The following SPAST variants were observed in gnomAD, a reference collection of about 807,000 sequenced individuals.
SPAST encodes the protein spastin.
Under a neutral mutation model 76.6 loss-of-function variants are expected in SPAST, and 30 were observed. The observed-to-expected ratio is 0.39, with a 90% CI of 0.29 to 0.53. The LOEUF is 0.53. Among genes scored for constraint, SPAST ranks in the 20% least tolerant of loss-of-function variants. The probability of loss-of-function intolerance (pLI) is 0.68; values close to 1 mark genes in which losing one functional copy is unlikely to be tolerated. For missense variants in SPAST, 717 were observed against 770.5 expected (o/e 0.93, Z 0.82); for synonymous variants, 305 against 281.0 (o/e 1.09, Z -0.86).
At chr2:32,133,751 A>C (rs1573151179) in intron 9 of SPAST, among the ~76,000 whole-genome samples, 1 of 152,022 alleles carries the variant, frequency 6.6e-6, no homozygotes, top group Non-Finnish European at 1.5e-5. Context: ...TCAATACATC[A>C]GTATGCTGCT....
At chr2:32,065,218 C>T (rs565957152) in intron 1 of SPAST, among the ~76,000 whole-genome samples, 2 of 152,082 alleles carry the variant, frequency 1.3e-5, no homozygotes, top group African/African-American at 4.8e-5. Context: ...AGGGATTTCA[C>T]CATGTTGGCC....
Position 32,114,635 on chromosome 2 carries a change from C to T in SPAST, c.683-3C>T. 2 of 1,613,174 alleles carry T rather than the reference C, an allele frequency of 1.2e-6. No homozygotes were observed. The highest frequency in any genetic ancestry group is 1.7e-6 in the Non-Finnish European group (2 of 1,179,196). On this transcript the variant is annotated splice_region_variant and splice_polypyrimidine_tract_variant and intron_variant, in intron 4 of 16. Coordinates refer to ENST00000315285, the MANE Select transcript of SPAST (RefSeq NM_014946.4). ...CACAATGGTTTTACTTTTTCCTTGTCAGAAAGTGGAGCTGTTCCAAAAAGA... is the reference window on the plus strand; with the variant it reads ...CACAATGGTTTTACTTTTTCCTTGTTAGAAAGTGGAGCTGTTCCAAAAAGA...
At chr2:32,149,022 T>A (rs1326959677) in intron 16 of SPAST, among the ~76,000 whole-genome samples, 1 of 151,954 alleles carries the variant, frequency 6.6e-6, no homozygotes, top group East Asian at 1.9e-4. Flanking sequence ...ACAATAAAAA[T>A]AACCTATAAC....
intron 1 of SPAST, among the ~76,000 whole-genome samples, chr2:32,067,059 T>A (rs1253622103): frequency 6.6e-6 from 1 of 151,996 alleles, no homozygotes; most frequent in Non-Finnish European, 1.5e-5. Flanking sequence ...GCAAGGAAAT[T>A]TTTTTTATTT....
At chr2:32,106,270 G>A (rs902254576) in intron 4 of SPAST, among the ~76,000 whole-genome samples, 4 of 152,188 alleles carry the variant, frequency 2.6e-5, no homozygotes, top group Admixed American at 2.0e-4. Context: ...CCAGGCATGG[G>A]ATATAATCTC....
At chr2:32,111,900 A>G (rs1026109885) in intron 4 of SPAST, among the ~76,000 whole-genome samples, 2 of 150,452 alleles carry the variant, frequency 1.3e-5, no homozygotes, top group Admixed American at 6.6e-5. Flanking sequence ...ATGTCTATAT[A>G]TAAAGTCTCA....
chr2:32,152,973 C>T (rs370529623), intron 16 of SPAST, among the ~76,000 whole-genome samples: 1 of 151,968 alleles, frequency 6.6e-6, no homozygotes, highest in African/African-American at 2.4e-5. Flanking sequence ...GTCTCTAACT[C>T]CTGGGCTCAA....
chr2:32,075,160 C>T (rs1208690639), intron 1 of SPAST, among the ~76,000 whole-genome samples: 1 of 152,030 alleles, frequency 6.6e-6, no homozygotes, highest in East Asian at 1.9e-4. Flanking sequence ...TGGTGGCTCA[C>T]GCTTGTAATC....
At chr2:32,104,550 T>A (rs564104556) in intron 4 of SPAST, among the ~76,000 whole-genome samples, 2 of 152,220 alleles carry the variant, frequency 1.3e-5, no homozygotes, top group Non-Finnish European at 2.9e-5. Context: ...CTAGCCTCGA[T>A]GGTCTTTACA....
intron 4 of SPAST, among the ~76,000 whole-genome samples, chr2:32,099,154 C>T (rs1349301614): frequency 1.3e-5 from 2 of 152,008 alleles, no homozygotes; most frequent in South Asian, 2.1e-4. Flanking sequence ...TATACATTCC[C>T]GTAAGTGATT....
At chr2:32,081,178 C>T (rs1331744099) in intron 1 of SPAST, among the ~76,000 whole-genome samples, 1 of 151,912 alleles carries the variant, frequency 6.6e-6, no homozygotes, top group Non-Finnish European at 1.5e-5. Flanking sequence ...AGGCTGGTCT[C>T]GAACTCCTGA....
At chr2:32,133,244 G>A (rs1225536462) in intron 9 of SPAST, among the ~76,000 whole-genome samples, 3 of 152,116 alleles carry the variant, frequency 2.0e-5, no homozygotes, top group Non-Finnish European at 2.9e-5. Context: ...CTTGTTTATT[G>A]AATAACTAAC....
intron 9 of SPAST, among the ~76,000 whole-genome samples, chr2:32,136,168 G>C (rs1679530258): frequency 6.6e-6 from 1 of 152,138 alleles, no homozygotes. Context: ...TTTTGTTTAG[G>C]AGAGCACATT....
chr2:32,075,878 TGAA>T lies in SPAST; in HGVS notation c.416-11613_416-11611del, dbSNP rs1251961509. 2.1e-4 allele frequency among the ~76,000 whole-genome samples: 25 copies of T among 116,688 alleles called. No homozygotes were observed. In the East Asian group the frequency reaches 5.6e-3, roughly 26 times the overall value. 76.6% of individuals were successfully genotyped at this position (116,688 alleles called of 152,430 possible). A position where few individuals can be genotyped will look rare whatever the true frequency, so the allele number is the denominator to read the frequency against. On this transcript the variant is annotated intron_variant, in intron 1 of 16. Transcript: ENST00000315285. ...TCCTGGCTTTTTTTTTTTTTTTTAA[TGAA>T]AAATTCAAAATGCTCTTTTTTTTTT... is the stretch of plus-strand genomic sequence containing the variant.
chr2:32,064,620 A>G (rs1313734043), intron 1 of SPAST, among the ~76,000 whole-genome samples: 1 of 152,152 alleles, frequency 6.6e-6, no homozygotes, highest in Non-Finnish European at 1.5e-5. Flanking sequence ...GGTTTCCAAA[A>G]GGTTTTGATA....
At chr2:32,087,694 C>CCT (rs1553399574) in intron 2 of SPAST, 116 bp downstream of exon 2, 3 of 186,262 alleles carry the variant, frequency 1.6e-5, no homozygotes, top group Middle Eastern at 2.3e-3. Flanking sequence ...CTTTTCTTTT[C>CCT]TTTTTTTTTT....
chr2:32,110,080 G>A (rs1386355275), intron 4 of SPAST, among the ~76,000 whole-genome samples: 1 of 145,552 alleles, frequency 6.9e-6, no homozygotes, highest in Non-Finnish European at 1.5e-5. Flanking sequence ...TTGTATATGT[G>A]TGTATACATA....
chr2:32,064,197 G>A lies in SPAST; in HGVS notation c.366G>A (p.Gln122=). Residue 122 remains glutamine (Q), a synonymous_variant, in exon 1 of 17, where the codon CAG becomes CAA. Transcript: ENST00000315285. ...AGCGCGTCCGAGTCTTCCACAAACA[G>A]GCCTTCGAGTACATCTCCATTGCCC... The part of the protein sequence containing the change: ...EAERVRVFHK[Q]AFEYISIALR... The A allele has an allele frequency of 6.4e-7, 1 of 1,551,798 alleles. No homozygotes were observed. The highest frequency in any genetic ancestry group is 8.7e-7 in the Non-Finnish European group (1 of 1,148,458).
Position 32,064,053 on chromosome 2 carries a change from C to G in SPAST, c.222C>G (p.Leu74=), listed in dbSNP as rs372332499. 10 of 1,613,284 alleles carry G rather than the reference C, an allele frequency of 6.2e-6. No homozygotes were observed. The highest frequency in any genetic ancestry group is 8.5e-6 in the Non-Finnish European group (10 of 1,179,524). ...LRLVAFHLGL[L]FVWLCQRFSR... The stretch of plus-strand genomic sequence containing the variant: ...TGGTCGCCTTCCACCTGGGGCTCCT[C>G]TTCGTGTGGCTCTGCCAGCGCTTCT... Residue 74 remains leucine (L), a synonymous_variant, in exon 1 of 17, where the codon CTC becomes CTG. Transcript: ENST00000315285.
Sources: gnomAD v4.1 joint callset for allele counts (sites outside exome capture counted in the v4.1 genomes callset) on GRCh38, gnomAD v4.1.1 for gene constraint, MANE v1.5 for transcripts, NCBI Gene and HGNC (gene_info 2026-07-23, HGNC 2026-07-21) for gene names.